DOT1L: variants seen among roughly 807,000 people sequenced by gnomAD.
DOT1L encodes the protein DOT1 like histone lysine methyltransferase, also known as histone-lysine N-methyltransferase, H3 lysine-79 specific.
Under a neutral mutation model 153.3 loss-of-function variants are expected in DOT1L, and 33 were observed. The ratio of observed to expected loss-of-function variants is 0.22; its 90% confidence interval spans 0.16 to 0.29. The LOEUF (loss-of-function observed/expected upper bound fraction) is 0.29. DOT1L is among the 10% of genes least tolerant of loss of function. DOT1L has a pLI of 1.00. For synonymous variants in DOT1L, 1,135 were observed against 965.1 expected, an observed-to-expected ratio of 1.18 and a Z score of -3.26; for missense variants, 1,847 against 2,119.9, an observed-to-expected ratio of 0.87 and a Z score of 2.53.
chr19:2,229,276 C>CGTGCCTGGCGGCGTA, intron 27 of DOT1L: 1 of 985,474 alleles, frequency 1.0e-6, no homozygotes, highest in Non-Finnish European at 1.2e-6. Flanking sequence ...AGGGACATGG[C>CGTGCCTGGCGGCGTA]GTGCCTGGCG....
At position 2,205,568 on chromosome 19, in the gene DOT1L, G is replaced by C. The variant is rs1332017010; in HGVS notation, c.788-1161G>C. ...TCACTGACAGTCAGTTAGAATCCCA[G>C]GGTTCAGAGGTATTTGAAATAATTC... On this transcript the variant is annotated intron_variant, in intron 9 of 27. Coordinates refer to ENST00000398665, the MANE Select transcript of DOT1L (RefSeq NM_032482.3). Among the ~76,000 whole-genome samples the C allele has an allele frequency of 2.6e-5, 4 of 152,308 alleles. No homozygotes were observed. The East Asian group carries it at 7.7e-4, about 29-fold the overall frequency.
rs2024088358 is a variant in DOT1L at position 2,220,785 on chromosome 19, T to G, written c.2806+563T>G. 1.2e-5 allele frequency: 4 copies of G among 343,138 alleles called. No individual in the cohort carries two copies. The highest frequency in any genetic ancestry group is 7.8e-5 in the Admixed American group (2 of 25,500). 21.3% of individuals were successfully genotyped at this position (343,138 alleles called of 1,614,324 possible). On this transcript the variant is annotated intron_variant, in intron 23 of 27. Coordinates refer to ENST00000398665, the MANE Select transcript of DOT1L (RefSeq NM_032482.3). This position sits in a 1 kb window ranked among gnomAD's most constrained non-coding sequence, Gnocchi z 4.5. ...GGGCATGGCTGTGTGCCAGCAAAAC[T>G]GTACTTAAAACAGCAGAGGACATGA...
chr19:2,198,801 C>T (rs2023128443), intron 7 of DOT1L, among the ~76,000 whole-genome samples: 1 of 152,202 alleles, frequency 6.6e-6, no homozygotes, highest in Non-Finnish European at 1.5e-5. Flanking sequence ...AACAGGATCA[C>T]ACACTGCGTG....
At chr19:2,173,756 G>T (rs1402532975) in intron 1 of DOT1L, among the ~76,000 whole-genome samples, 9 of 152,160 alleles carry the variant, frequency 5.9e-5, no homozygotes, top group Non-Finnish European at 1.3e-4. Flanking sequence ...GAACCTTCCC[G>T]GTACCTTGCG....
chr19:2,203,299 C>T (rs921885238), intron 9 of DOT1L, among the ~76,000 whole-genome samples: 7 of 152,160 alleles, frequency 4.6e-5, no homozygotes, highest in African/African-American at 1.7e-4. Context: ...AGGATTTCAC[C>T]ATGTTGGCCA....
rs552116551 is a variant in DOT1L at position 2,189,134 on chromosome 19, C to T, written c.201-598C>T. 1.2e-4 allele frequency among the ~76,000 whole-genome samples: 18 copies of T among 152,250 alleles called. No homozygotes were observed. In the East Asian group the frequency reaches 2.1e-3, roughly 18 times the overall value. On this transcript the variant is annotated intron_variant, in intron 3 of 27. Transcript: ENST00000398665. ...CACTGCTGACGTGACACACTGCTGA[C>T]GTGACACACTGCTGACATGACACAC...
At chr19:2,176,382 TG>T (rs1297511817) in intron 1 of DOT1L, among the ~76,000 whole-genome samples, 1 of 152,076 alleles carries the variant, frequency 6.6e-6, no homozygotes, top group Non-Finnish European at 1.5e-5. Flanking sequence ...GAAACAGGCG[TG>T]GGGCAGAGGG....
At chr19:2,227,190 C>G (rs777149117) in intron 27 of DOT1L, 63 bp downstream of exon 27, 2 of 1,572,778 alleles carry the variant, frequency 1.3e-6, no homozygotes, top group African/African-American at 1.3e-5. Context: ...CCTTCCTTTG[C>G]AGGTTCCCTT....
Position 2,204,288 on chromosome 19 carries a change from T to C in DOT1L, c.787+1509T>C, listed in dbSNP as rs996169503. Among the ~76,000 whole-genome samples, 7 of 151,392 alleles carry C rather than the reference T, an allele frequency of 4.6e-5. No individual in the cohort carries two copies. The highest frequency in any genetic ancestry group is 1.7e-4 in the African/African-American group (7 of 40,868). ...GTGTCTATGTATGTGTCTGCTTGTT[T>C]GTCTGTGTGTGTGCATGCATGCCTG... On this transcript the variant is annotated intron_variant, in intron 9 of 27. Coordinates refer to ENST00000398665, the MANE Select transcript of DOT1L (RefSeq NM_032482.3). This position sits in a 1 kb window ranked among gnomAD's most constrained non-coding sequence, Gnocchi z 5.7.
In DOT1L at chr19:2,214,635, CCT is replaced by C. The variant is rs775012641; in HGVS notation, c.1923+43_1923+44del. 10 of 1,601,926 alleles carry C rather than the reference CCT, an allele frequency of 6.2e-6. No homozygotes were observed. In the Admixed American group the frequency reaches 1.7e-4, roughly 27 times the overall value. ...GAGGCTGCACTCCGTGGTGTCCGAG[CCT>C]CTCCCATCAGCCTCCCTGTGACGTC... On this transcript the variant is annotated intron_variant, in intron 19 of 27. Transcript: ENST00000398665.
At chr19:2,229,475 A>G in intron 27 of DOT1L, 1 of 985,460 alleles carries the variant, frequency 1.0e-6, no homozygotes, top group Non-Finnish European at 1.2e-6. Context: ...TGCGGGCTGG[A>G]CAAGCTATGC....
In DOT1L at chr19:2,222,020, G is replaced by A. The variant is rs1359308154; in HGVS notation, c.2851G>A (p.Gly951Ser). 2 of 1,611,840 alleles carry A rather than the reference G, an allele frequency of 1.2e-6. No homozygotes were observed. Among genetic ancestry groups the A allele is most frequent in the Admixed American group, 3.3e-5 (2 of 59,946 alleles). Reference sequence around the variant, plus strand: ...GGTGGCCATCAGCGGGGCCTTGGCGGGCAGCCCGGCCTCTCTCACACCTGG... The same window carrying A: ...GGTGGCCATCAGCGGGGCCTTGGCGAGCAGCCCGGCCTCTCTCACACCTGG... The part of the protein sequence containing the change: ...GSVAISGALA[G>S]SPASLTPGAE... Residue 951 changes from glycine to serine, a missense_variant, in exon 24 of 28, where the codon GGC becomes AGC. This residue lies in a region of DOT1L where 68 missense variants were observed against 80.7 expected (regional missense o/e 0.84). Transcript: ENST00000398665. The surrounding 1 kb of genome is among the most constrained non-coding windows in gnomAD (Gnocchi z 6.5).
intron 1 of DOT1L, 152 bp downstream of exon 1, chr19:2,164,417 C>T (rs2144621981): frequency 8.3e-6 from 4 of 482,212 alleles, no homozygotes; most frequent in Middle Eastern, 1.3e-3. Flanking sequence ...CCCGTTGCTT[C>T]CCGGCCGAGG....
rs1402126580 is a variant in DOT1L at position 2,193,188 on chromosome 19, T to C, written c.494-501T>C. On this transcript the variant is annotated intron_variant, in intron 5 of 27. Transcript: ENST00000398665. This position sits in a 1 kb window ranked among gnomAD's most constrained non-coding sequence, Gnocchi z 5.9. ...TGTGAAACCGCAGCGGCCGGGAGAC[T>C]GTCCTGGCTGCGGGGGACCCCTCAC... Among the ~76,000 whole-genome samples the C allele has an allele frequency of 6.6e-6, 1 of 152,224 alleles. No individual in the cohort carries two copies. The highest frequency in any genetic ancestry group is 1.5e-5 in the Non-Finnish European group (1 of 68,044).
chr19:2,224,184 GGCTTGCTTACCCTGGGCGGT>G (rs1568369618), intron 25 of DOT1L, among the ~76,000 whole-genome samples: 5 of 152,226 alleles, frequency 3.3e-5, no homozygotes, highest in African/African-American at 1.2e-4. Flanking sequence ...CTCCGTGCTA[GGCTTGCTTACCCTGGGCGGT>G]TGTGAGCAGC....
intron 2 of DOT1L, 80 bp downstream of exon 2, chr19:2,180,836 G>A: frequency 1.9e-6 from 3 of 1,556,966 alleles, no homozygotes; most frequent in South Asian, 2.3e-5. Context: ...AGATTCTGTT[G>A]TGGGGATGGC....
In DOT1L at chr19:2,232,235, C is replaced by A. The variant is rs1447463885; in HGVS notation, c.*2443C>A. 2 of 219,476 alleles carry A rather than the reference C, an allele frequency of 9.1e-6. No individual in the cohort carries two copies. Among genetic ancestry groups the A allele is most frequent in the African/African-American group, 2.2e-5 (1 of 44,480 alleles). The allele number at this position is 219,476 out of a possible 1,614,324, so 13.6% of individuals were successfully genotyped here. A position where few individuals can be genotyped will look rare whatever the true frequency, so the allele number is the denominator to read the frequency against. ...AGGAACCCTAAAAACTAGGATACCC[C>A]CTCCTCGGCCCATGAGGCACGCACA... On this transcript the variant is annotated 3_prime_UTR_variant, in exon 28 of 28. Transcript: ENST00000398665.
rs1160613661 is a variant in DOT1L at position 2,217,892 on chromosome 19, G to T, written c.2665G>T (p.Val889Leu). 6.2e-7 allele frequency: 1 copy of T among 1,612,108 alleles called. No homozygotes were observed. The highest frequency in any genetic ancestry group is 8.5e-7 in the Non-Finnish European group (1 of 1,179,732). Residue 889 changes from valine (V) to leucine (L), a missense_variant, in exon 22 of 28, where the codon GTG becomes TTG. Val to Leu is a conservative substitution (Grantham distance 32). Transcript: ENST00000398665. This position sits in a 1 kb window ranked among gnomAD's most constrained non-coding sequence, Gnocchi z 7.3. ...GGTCAGCATTCCCCTGGCCAGCGTG[G>T]TGCTGCCCAGCCGCGCCGAGAGGGC... The part of the protein sequence containing the change: ...LPVSIPLASV[V>L]LPSRAERARS...
In DOT1L at chr19:2,207,303, G is replaced by A. The variant is rs761612874; in HGVS notation, c.857-271G>A. On this transcript the variant is annotated intron_variant, in intron 10 of 27. Coordinates refer to ENST00000398665, the MANE Select transcript of DOT1L (RefSeq NM_032482.3). This position sits in a 1 kb window ranked among gnomAD's most constrained non-coding sequence, Gnocchi z 4.5. ...CGTTCTTGCAGCCGTGATCTAAGTC[G>A]CTTCCAGATCTTCTCCCCCTCCTTT... 6.6e-6 allele frequency among the ~76,000 whole-genome samples: 1 copy of A among 152,192 alleles called. No individual in the cohort carries two copies. Among genetic ancestry groups the A allele is most frequent in the South Asian group, 2.1e-4 (1 of 4,836 alleles).
Sources: allele counts gnomAD v4.1 joint callset (sites outside exome capture counted in the v4.1 genomes callset), GRCh38; gene constraint gnomAD v4.1.1; regional missense constraint gnomAD v4.1.1; non-coding constraint Gnocchi (gnomAD v3.1); transcripts MANE v1.5; gene names NCBI Gene and HGNC (gene_info 2026-07-23, HGNC 2026-07-21).